The following TNFRSF9 variants were observed in gnomAD, a reference collection of about 807,000 sequenced individuals.
The protein encoded by TNFRSF9 is TNF receptor superfamily member 9, also known as tumor necrosis factor receptor superfamily member 9.
A neutral mutation model predicts 28.8 loss-of-function variants in TNFRSF9; 16 were observed. The observed-to-expected ratio is 0.55, with a 90% confidence interval of 0.38 to 0.84. The LOEUF is 0.84. Ranked by LOEUF, TNFRSF9 falls within the 40% of genes least tolerant of loss-of-function variation. The pLI is 0.00. For synonymous variants in TNFRSF9, 131 were observed against 117.0 expected (o/e 1.12, Z -0.77); for missense variants, 303 against 315.0 (o/e 0.96, Z 0.29).
In TNFRSF9 at chr1:7,918,014, A is replaced by T. The variant is rs1444266642; in HGVS notation, c.*2821T>A. ...TAGATAGATAGATAGGCAGAATTTCACTCTTGTCACCCAGTCTGGAGTGCA... is the reference window on the plus strand; with the variant it reads ...TAGATAGATAGATAGGCAGAATTTCTCTCTTGTCACCCAGTCTGGAGTGCA... On this transcript the variant is annotated 3_prime_UTR_variant, in exon 8 of 8. Coordinates refer to ENST00000377507, the MANE Select transcript of TNFRSF9 (RefSeq NM_001561.6). 2 of 151,498 alleles carry T rather than the reference A, an allele frequency of 1.3e-5. No homozygotes were observed. Among genetic ancestry groups the T allele is most frequent in the Non-Finnish European group, 2.9e-5 (2 of 67,932 alleles). 9.4% of individuals were successfully genotyped at this position (151,498 alleles called of 1,614,324 possible).
intron 5 of TNFRSF9, chr1:7,936,362 AG>A (rs1355709341): frequency 6.5e-6 from 1 of 153,766 alleles, no homozygotes; most frequent in Non-Finnish European, 1.4e-5. Context: ...GTTTGCAGTG[AG>A]GCGAGACCGT....
At chr1:7,935,208 C>CT in intron 5 of TNFRSF9, 65 bp from the exon 6 acceptor site, 1 of 1,559,158 alleles carries the variant, frequency 6.4e-7, no homozygotes, top group Admixed American at 1.8e-5. Context: ...TGGTTTAAAA[C>CT]TTTGTCATTT....
chr1:7,936,173 T>C (rs909193125), intron 5 of TNFRSF9, among the ~76,000 whole-genome samples: 1 of 152,134 alleles, frequency 6.6e-6, no homozygotes, highest in Admixed American at 6.6e-5. Context: ...CCCAGCACTT[T>C]GGGAGGCCAA....
intron 5 of TNFRSF9, among the ~76,000 whole-genome samples, chr1:7,937,041 A>C (rs914186425): frequency 6.6e-6 from 1 of 152,190 alleles, no homozygotes; most frequent in Non-Finnish European, 1.5e-5. Context: ...AGCAATTGTT[A>C]GTTTCTTCTG....
At chr1:7,937,030 G>A (rs755368652) in intron 5 of TNFRSF9, among the ~76,000 whole-genome samples, 5 of 152,194 alleles carry the variant, frequency 3.3e-5, no homozygotes, top group Non-Finnish European at 5.9e-5. Context: ...GGAGGGTAAC[G>A]AGCAATTGTT....
intron 1 of TNFRSF9, 59 bp from the exon 2 acceptor site, chr1:7,940,137 T>C: frequency 1.8e-6 from 1 of 557,374 alleles, no homozygotes. Context: ...TTATCTATAT[T>C]GCAATCATTA....
intron 7 of TNFRSF9, among the ~76,000 whole-genome samples, chr1:7,931,066 C>G (rs1026369534): frequency 6.6e-6 from 1 of 152,160 alleles, no homozygotes; most frequent in African/African-American, 2.4e-5. Flanking sequence ...TAAGTTAAAA[C>G]CACAATGAGA....
Position 7,923,528 on chromosome 1 carries a change from G to A in TNFRSF9, c.680-2605C>T, listed in dbSNP as rs28826678. On this transcript the variant is annotated intron_variant, in intron 7 of 7. Coordinates refer to ENST00000377507, the MANE Select transcript of TNFRSF9 (RefSeq NM_001561.6). ...TAGAGTGATGTCAGAGGAACCCTGA[G>A]AAAATACAAGATCTAAATTAGATCC... Among the ~76,000 whole-genome samples, 1,433 of 152,236 alleles carry A rather than the reference G, an allele frequency of 9.4e-3. 27 individuals are homozygous for A. Among genetic ancestry groups the A allele is most frequent in the African/African-American group, 0.033 (1,366 of 41,552 alleles).
chr1:7,933,418 A>G, intron 6 of TNFRSF9, 122 bp from the exon 7 acceptor site: 1 of 1,200,414 alleles, frequency 8.3e-7, no homozygotes, highest in Admixed American at 2.7e-5. Context: ...GGCATCTCCA[A>G]CCTGCTAATG....
intron 7 of TNFRSF9, among the ~76,000 whole-genome samples, chr1:7,926,485 A>G (rs1639652592): frequency 6.6e-6 from 1 of 152,216 alleles, no homozygotes; most frequent in Admixed American, 6.5e-5. Context: ...TACTTCACAT[A>G]GTAAAGATGT....
At position 7,933,745 on chromosome 1, in the gene TNFRSF9, G is replaced by A. The variant is rs543976728; in HGVS notation, c.545-449C>T. 5.3e-5 allele frequency among the ~76,000 whole-genome samples: 8 copies of A among 152,068 alleles called. No homozygotes were observed. In the South Asian group the frequency reaches 1.7e-3, roughly 32 times the overall value. On this transcript the variant is annotated intron_variant, in intron 6 of 7. Coordinates refer to ENST00000377507, the MANE Select transcript of TNFRSF9 (RefSeq NM_001561.6). ...AAAGAGAAACTTAATGGCAGGGAGC[G>A]GTGGCTCACACCTGTAATCCTAGCA...
At chr1:7,927,730 GA>G (rs58915919) in intron 7 of TNFRSF9, among the ~76,000 whole-genome samples, 56 of 142,848 alleles carry the variant, frequency 3.9e-4, no homozygotes, top group Middle Eastern at 3.6e-3. Context: ...AGAGATAGAG[GA>G]AAAAAAAAAA....
At position 7,921,476 on chromosome 1, in the gene TNFRSF9, G is replaced by A. The variant is rs1053875519; in HGVS notation, c.680-553C>T. Among the ~76,000 whole-genome samples, 31 of 151,910 alleles carry A rather than the reference G, an allele frequency of 2.0e-4. No homozygotes were observed. In the East Asian group the frequency reaches 5.2e-3, roughly 26 times the overall value. Reference sequence around the variant, plus strand: ...AGGTCAGGAGTTCAAGACCAGCCTGGCCAAGATGGTGAAACCCCGTCTCTA... The same window carrying A: ...AGGTCAGGAGTTCAAGACCAGCCTGACCAAGATGGTGAAACCCCGTCTCTA... On this transcript the variant is annotated intron_variant, in intron 7 of 7. Transcript: ENST00000377507.
At chr1:7,935,633 C>T (rs12748086) in intron 5 of TNFRSF9, among the ~76,000 whole-genome samples, 1 of 152,120 alleles carries the variant, frequency 6.6e-6, no homozygotes, top group Non-Finnish European at 1.5e-5. Flanking sequence ...GGAGACCAGC[C>T]TGAGCAACAT....
Position 7,920,729 on chromosome 1 carries a change from G to A in TNFRSF9, c.*106C>T. ...AGAACGTGTGTTGGGGGAATCCTGGGTATTATGTAGGATGGTGTTCTTGCT... is the reference window on the plus strand; with the variant it reads ...AGAACGTGTGTTGGGGGAATCCTGGATATTATGTAGGATGGTGTTCTTGCT... On this transcript the variant is annotated 3_prime_UTR_variant, in exon 8 of 8. Coordinates refer to ENST00000377507, the MANE Select transcript of TNFRSF9 (RefSeq NM_001561.6). The A allele has an allele frequency of 1.1e-6, 1 of 887,270 alleles. No individual in the cohort carries two copies. The highest frequency in any genetic ancestry group is 1.9e-6 in the Non-Finnish European group (1 of 538,690). The allele number at this position is 887,270 out of a possible 1,614,324, so 55.0% of individuals were successfully genotyped here.
intron 7 of TNFRSF9, among the ~76,000 whole-genome samples, chr1:7,927,487 G>A (rs931418848): frequency 4.6e-5 from 7 of 151,886 alleles, no homozygotes; most frequent in African/African-American, 1.2e-4. Flanking sequence ...TTTTATTCCC[G>A]CTTTTGCCCC....
chr1:7,923,038 G>A (rs1305187646), intron 7 of TNFRSF9, among the ~76,000 whole-genome samples: 1 of 151,624 alleles, frequency 6.6e-6, no homozygotes, highest in African/African-American at 2.4e-5. Flanking sequence ...GAGTAGCTGG[G>A]ACTACAGGTG....
At chr1:7,926,549 G>C (rs9658023) in intron 7 of TNFRSF9, among the ~76,000 whole-genome samples, 1,698 of 152,312 alleles carry the variant, frequency 0.011, 33 homozygotes, top group African/African-American at 0.038. Flanking sequence ...CAGAATCCCA[G>C]CCGGCTTTTT....
At chr1:7,923,353 G>C (rs901839956) in intron 7 of TNFRSF9, among the ~76,000 whole-genome samples, 1 of 152,184 alleles carries the variant, frequency 6.6e-6, no homozygotes, top group Non-Finnish European at 1.5e-5. Context: ...CCCTCCTGGG[G>C]TAGTGTCAGA....
Sources: gnomAD v4.1 joint callset for allele counts (sites outside exome capture counted in the v4.1 genomes callset) on GRCh38, gnomAD v4.1.1 for gene constraint, MANE v1.5 for transcripts, NCBI Gene and HGNC (gene_info 2026-07-23, HGNC 2026-07-21) for gene names.